The following GPC6 variants were observed in gnomAD, a reference collection of about 807,000 sequenced individuals.
GPC6 encodes the protein glypican-6.
A neutral mutation model predicts 55.2 loss-of-function variants in GPC6; 14 were observed. The ratio of observed to expected loss-of-function variants is 0.25; its 90% CI spans 0.17 to 0.40. The LOEUF (loss-of-function observed/expected upper bound fraction) is 0.40, where lower values mean the gene tolerates loss of function less well. Among genes scored for constraint, GPC6 ranks in the 10% least tolerant of loss-of-function variants. The pLI, the probability that GPC6 is intolerant of heterozygous loss-of-function variation, is 1.00. For missense variants in GPC6, 641 were observed against 708.5 expected (o/e 0.90, Z 1.08); for synonymous variants, 278 against 259.6 (o/e 1.07, Z -0.68).
chr13:93,837,687 C>T (rs1181632681), intron 3 of GPC6, among the ~76,000 whole-genome samples: 1 of 152,036 alleles, frequency 6.6e-6, no homozygotes, highest in Non-Finnish European at 1.5e-5. Context: ...TGTATATGAA[C>T]ATTATTTATG....
At chr13:93,449,994 C>T (rs750456606) in intron 1 of GPC6, among the ~76,000 whole-genome samples, 17 of 151,900 alleles carry the variant, frequency 1.1e-4, no homozygotes, top group African/African-American at 1.7e-4. Flanking sequence ...ATGTTGGCCA[C>T]GATGGTCTCG....
chr13:93,735,989 A>G (rs1321896941), intron 2 of GPC6, among the ~76,000 whole-genome samples: 1 of 152,238 alleles, frequency 6.6e-6, no homozygotes, highest in Non-Finnish European at 1.5e-5. Flanking sequence ...ACATCACTTC[A>G]AAATTGATCT....
At chr13:93,590,247 A>G (rs1165368906) in intron 2 of GPC6, among the ~76,000 whole-genome samples, 1 of 152,156 alleles carries the variant, frequency 6.6e-6, no homozygotes, top group Non-Finnish European at 1.5e-5. Flanking sequence ...TAGTTTTGTG[A>G]ACCTTGTGTA....
intron 2 of GPC6, among the ~76,000 whole-genome samples, chr13:93,645,506 A>C (rs1208881003): frequency 6.6e-6 from 1 of 152,102 alleles, no homozygotes; most frequent in Non-Finnish European, 1.5e-5. Flanking sequence ...TGTCTTTTTT[A>C]ATAGCCTGAA....
At chr13:94,335,421 T>A (rs115231521) in intron 6 of GPC6, among the ~76,000 whole-genome samples, 6 of 152,240 alleles carry the variant, frequency 3.9e-5, no homozygotes, top group African/African-American at 1.2e-4. Context: ...TGCCAAGAAG[T>A]AGTATCAGGT....
At chr13:93,622,468 A>G (rs1315355529) in intron 2 of GPC6, among the ~76,000 whole-genome samples, 1 of 149,342 alleles carries the variant, frequency 6.7e-6, no homozygotes, top group Non-Finnish European at 1.5e-5. Flanking sequence ...GGTTAAAGAT[A>G]CATGAAACCA....
chr13:93,493,815 C>G (rs1880138419), intron 1 of GPC6, among the ~76,000 whole-genome samples: 1 of 117,000 alleles, frequency 8.5e-6, no homozygotes, highest in Non-Finnish European at 1.8e-5. Context: ...TGTTCAGTTT[C>G]CATGTAGTTG....
intron 1 of GPC6, among the ~76,000 whole-genome samples, chr13:93,243,399 A>G (rs1373842765): frequency 6.6e-6 from 1 of 152,150 alleles, no homozygotes. Flanking sequence ...TTGTTCACCC[A>G]TGTCTCTAGT....
intron 2 of GPC6, among the ~76,000 whole-genome samples, chr13:93,700,711 C>T (rs1882638146): frequency 6.6e-6 from 1 of 152,022 alleles, no homozygotes; most frequent in South Asian, 2.1e-4. Context: ...TAGGAAAACC[C>T]AGAGTTCAAT....
At chr13:94,261,891 T>C (rs1327991656) in intron 4 of GPC6, among the ~76,000 whole-genome samples, 1 of 152,260 alleles carries the variant, frequency 6.6e-6, no homozygotes, top group African/African-American at 2.4e-5. Flanking sequence ...GGATGTAGGC[T>C]GTTCTTTTTC....
At chr13:93,925,029 C>T (rs148299455) in intron 3 of GPC6, among the ~76,000 whole-genome samples, 58 of 152,258 alleles carry the variant, frequency 3.8e-4, no homozygotes, top group Non-Finnish European at 6.8e-4. Flanking sequence ...TAAAAGCCAA[C>T]ATATTTAAAA....
intron 2 of GPC6, among the ~76,000 whole-genome samples, chr13:93,710,859 G>A (rs1483863182): frequency 6.6e-6 from 1 of 151,682 alleles, no homozygotes; most frequent in Non-Finnish European, 1.5e-5. Context: ...CATAACTTAA[G>A]TACTCTTGAA....
chr13:93,979,281 TTGTGTGTGTGTGTG>T lies in GPC6; in HGVS notation c.712-48424_712-48411del, dbSNP rs72400372. Among the ~76,000 whole-genome samples the T allele has an allele frequency of 1.9e-4, 27 of 140,268 alleles. No homozygotes were observed. In the East Asian group the frequency reaches 3.5e-3, roughly 18 times the overall value. 92.0% of individuals were successfully genotyped at this position (140,268 alleles called of 152,430 possible). A position where few individuals can be genotyped will look rare whatever the true frequency, so the allele number is the denominator to read the frequency against. On this transcript the variant is annotated intron_variant, in intron 3 of 8. Transcript: ENST00000377047. Reference sequence around the variant, plus strand: ...ATTGGACAGCACAAAGACACTTCTTTTGTGTGTGTGTGTGTGTGTGTGTGTGTGTGTGTGTGTTT... The same window carrying T: ...ATTGGACAGCACAAAGACACTTCTTTTGTGTGTGTGTGTGTGTGTGTGTTT...
intron 2 of GPC6, among the ~76,000 whole-genome samples, chr13:93,555,704 GC>G (rs1294099328): frequency 6.6e-6 from 1 of 152,122 alleles, no homozygotes; most frequent in Non-Finnish European, 1.5e-5. Context: ...TTGCAAGTAT[GC>G]ACATATGCAC....
At chr13:94,133,630 G>A (rs1164591122) in intron 4 of GPC6, among the ~76,000 whole-genome samples, 1 of 152,104 alleles carries the variant, frequency 6.6e-6, no homozygotes, top group East Asian at 1.9e-4. Context: ...TTCACATTGT[G>A]GGTATGTGCC....
chr13:93,321,364 C>G (rs1394295871), intron 1 of GPC6, among the ~76,000 whole-genome samples: 1 of 152,078 alleles, frequency 6.6e-6, no homozygotes, highest in African/African-American at 2.4e-5. Flanking sequence ...TTCTGCTGCC[C>G]TCCTTACCAG....
intron 2 of GPC6, among the ~76,000 whole-genome samples, chr13:93,683,307 T>C (rs1881925925): frequency 1.3e-5 from 2 of 152,176 alleles, no homozygotes; most frequent in East Asian, 1.9e-4. Flanking sequence ...ATTAAACATA[T>C]AGCTTTTCTT....
At chr13:93,282,653 A>G (rs1030245128) in intron 1 of GPC6, among the ~76,000 whole-genome samples, 1 of 152,236 alleles carries the variant, frequency 6.6e-6, no homozygotes, top group African/African-American at 2.4e-5. Flanking sequence ...ATGCATAAAC[A>G]CAGTTTAAAT....
chr13:94,311,372 T>G (rs940766627), intron 6 of GPC6, among the ~76,000 whole-genome samples: 18 of 152,168 alleles, frequency 1.2e-4, no homozygotes, highest in Non-Finnish European at 2.5e-4. Context: ...TTTCACCATG[T>G]TTTCCAGGCT....
Sources: gnomAD v4.1 joint callset for allele counts (sites outside exome capture counted in the v4.1 genomes callset) on GRCh38, gnomAD v4.1.1 for gene constraint, MANE v1.5 for transcripts, NCBI Gene and HGNC (gene_info 2026-07-23, HGNC 2026-07-21) for gene names.